Variants in ATP10A observed in about 807,000 individuals in gnomAD.
The protein encoded by ATP10A is phospholipid-transporting ATPase VA.
Under a neutral mutation model 147.8 loss-of-function variants are expected in ATP10A, and 111 were observed. That is an observed-to-expected ratio of 0.75 (90% confidence interval 0.64 to 0.88). The LOEUF is 0.88. Ranked by LOEUF, ATP10A falls within the 40% of genes least tolerant of loss-of-function variation. ATP10A has a pLI of 0.00. For synonymous variants in ATP10A, 875 were observed against 841.6 expected (o/e 1.04, Z -0.69); for missense variants, 1,927 against 1,959.0 (o/e 0.98, Z 0.31).
Position 25,797,201 on chromosome 15 carries a change from C to T in ATP10A, c.450-15978G>A, listed in dbSNP as rs182263905. On this transcript the variant is annotated intron_variant, in intron 1 of 20. Transcript: ENST00000555815. ...TCAACATTTTTAGGTTCCACGCGTA[C>T]GGGAGATCATGCAGTGTTTGTCTCT... Among the ~76,000 whole-genome samples, 41 of 152,260 alleles carry T rather than the reference C, an allele frequency of 2.7e-4. No individual in the cohort carries two copies. The East Asian group carries it at 6.9e-3, about 26-fold the overall frequency.
intron 2 of ATP10A, among the ~76,000 whole-genome samples, chr15:25,778,956 A>C (rs2140697125): frequency 6.6e-6 from 1 of 151,270 alleles, no homozygotes; most frequent in Middle Eastern, 3.4e-3. Context: ...GGCTCACTAC[A>C]ACCTCTGCCT....
chr15:25,832,218 C>T (rs924151421), intron 1 of ATP10A, among the ~76,000 whole-genome samples: 4 of 152,318 alleles, frequency 2.6e-5, no homozygotes, highest in East Asian at 1.9e-4. Flanking sequence ...CACAGGAGCA[C>T]GGCCCTGCCC....
chr15:25,704,447 T>A (rs572000214), intron 12 of ATP10A, among the ~76,000 whole-genome samples: 1 of 152,272 alleles, frequency 6.6e-6, no homozygotes, highest in East Asian at 1.9e-4. Flanking sequence ...AGTCCCTCAG[T>A]CAAATGTCTG....
At chr15:25,737,570 C>T (rs1029232812) in intron 2 of ATP10A, among the ~76,000 whole-genome samples, 1 of 152,094 alleles carries the variant, frequency 6.6e-6, no homozygotes, top group Non-Finnish European at 1.5e-5. Flanking sequence ...GTCCCAGGCA[C>T]GGGACGGCTG....
At chr15:25,746,845 CT>C (rs1267293500) in intron 2 of ATP10A, among the ~76,000 whole-genome samples, 2 of 152,094 alleles carry the variant, frequency 1.3e-5, no homozygotes, top group Non-Finnish European at 2.9e-5. Flanking sequence ...AGATCTAAAA[CT>C]TTTTGTGTGT....
At chr15:25,770,345 T>C (rs1285094064) in intron 2 of ATP10A, among the ~76,000 whole-genome samples, 1 of 152,160 alleles carries the variant, frequency 6.6e-6, no homozygotes, top group African/African-American at 2.4e-5. Flanking sequence ...CCTGAGGGGC[T>C]TCACGGCCAG....
At chr15:25,803,344 A>AGGTGCTAAGGATACAGTGG (rs1243327150) in intron 1 of ATP10A, among the ~76,000 whole-genome samples, 1 of 152,222 alleles carries the variant, frequency 6.6e-6, no homozygotes, top group Non-Finnish European at 1.5e-5. Context: ...AGCACACACC[A>AGGTGCTAAGGATACAGTGG]GGTGCTAAGG....
chr15:25,697,741 C>T (rs1225029962), intron 13 of ATP10A, among the ~76,000 whole-genome samples: 1 of 152,178 alleles, frequency 6.6e-6, no homozygotes, highest in East Asian at 1.9e-4. Flanking sequence ...GTGAGCTGTG[C>T]ACAGTGACTT....
chr15:25,778,568 TG>T (rs1159240191), intron 2 of ATP10A, among the ~76,000 whole-genome samples: 3 of 151,990 alleles, frequency 2.0e-5, no homozygotes, highest in African/African-American at 7.3e-5. Context: ...TAAAGAATTT[TG>T]GTGCTAATAA....
chr15:25,862,840 G>C lies in ATP10A; in HGVS notation c.257C>G (p.Pro86Arg), dbSNP rs773004840. The change falls in exon 1 of 21, where the codon CCG becomes CGG. Residue 86 changes from proline to arginine, a missense_variant. By Grantham distance (103) the Pro-to-Arg change is moderately radical. Coordinates refer to ENST00000555815, the MANE Select transcript of ATP10A (RefSeq NM_024490.4). ...GATGAAGACAAAGTACACGTTGGCC[G>C]GGCGGTGGAACTGCTCGAACAGGTT... is the stretch of plus-strand genomic sequence containing the variant. Reference protein sequence around the residue: ...PKNLFEQFHRPANVYFVFIAL... With the variant: ...PKNLFEQFHRRANVYFVFIAL... 1.2e-6 allele frequency: 2 copies of C among 1,609,868 alleles called. No individual in the cohort carries two copies. Among genetic ancestry groups the C allele is most frequent in the Non-Finnish European group, 1.7e-6 (2 of 1,178,186 alleles).
At position 25,788,139 on chromosome 15, in the gene ATP10A, C is replaced by T. The variant is rs570519980; in HGVS notation, c.450-6916G>A. ...CTGACAAGTTCCTTCTGCACAAAGC[C>T]GCCACACCCTTCCTCACAAAATCCC... On this transcript the variant is annotated intron_variant, in intron 1 of 20. Coordinates refer to ENST00000555815, the MANE Select transcript of ATP10A (RefSeq NM_024490.4). Among the ~76,000 whole-genome samples, 36 of 152,312 alleles carry T rather than the reference C, an allele frequency of 2.4e-4. No homozygotes were observed. The South Asian group carries it at 4.6e-3, about 19-fold the overall frequency.
chr15:25,847,609 C>CTTTTTTTTTTTTTTT lies in ATP10A; in HGVS notation c.449+15024_449+15038dup, dbSNP rs34212354. On this transcript the variant is annotated intron_variant, in intron 1 of 20. Transcript: ENST00000555815. Reference sequence around the variant, plus strand: ...CCTAGCTAATTCAAACAGCTACAGCCTTTTTTTTTTTTTTTTTTTTTTTTT... The same window carrying CTTTTTTTTTTTTTTT: ...CCTAGCTAATTCAAACAGCTACAGCCTTTTTTTTTTTTTTTTTTTTTTTTTTTTTTTTTTTTTTTT... Among the ~76,000 whole-genome samples the CTTTTTTTTTTTTTTT allele has an allele frequency of 7.4e-5, 3 of 40,738 alleles. 1 individual carries two copies. The highest frequency in any genetic ancestry group is 1.5e-4 in the Non-Finnish European group (3 of 19,914). The allele number at this position is 40,738 out of a possible 152,430, so 26.7% of individuals were successfully genotyped here.
chr15:25,851,877 G>A (rs11858535), intron 1 of ATP10A, among the ~76,000 whole-genome samples: 1,810 of 152,192 alleles, frequency 0.012, 25 homozygotes, highest in African/African-American at 0.028. Context: ...CAGCATGGGC[G>A]ACACTGCAAG....
chr15:25,770,212 T>C (rs1889262667), intron 2 of ATP10A, among the ~76,000 whole-genome samples: 1 of 149,692 alleles, frequency 6.7e-6, no homozygotes, highest in African/African-American at 2.5e-5. Flanking sequence ...CCGGGCGAGG[T>C]GGGGAGGGGC....
intron 1 of ATP10A, among the ~76,000 whole-genome samples, chr15:25,836,935 G>A (rs188762518): frequency 6.6e-6 from 1 of 152,140 alleles, no homozygotes; most frequent in East Asian, 1.9e-4. Flanking sequence ...CCTGCCATGG[G>A]GCTCTCTTTT....
At chr15:25,725,483 C>G (rs957510224) in intron 5 of ATP10A, among the ~76,000 whole-genome samples, 8 of 152,086 alleles carry the variant, frequency 5.3e-5, no homozygotes, top group Non-Finnish European at 7.3e-5. Flanking sequence ...TCTGTCATGC[C>G]CATTCACCCA....
chr15:25,833,867 GA>G (rs1892475007), intron 1 of ATP10A, among the ~76,000 whole-genome samples: 1 of 152,096 alleles, frequency 6.6e-6, no homozygotes, highest in Non-Finnish European at 1.5e-5. Context: ...AGCTACTTGG[GA>G]GGCTGAGGCA....
chr15:25,679,326 G>T lies in ATP10A; in HGVS notation c.*15C>A. Reference sequence around the variant, plus strand: ...CATTTATTTATATATATTAAAAAAGGCCATTTCAAGGTTTTCACTGTGACC... The same window carrying T: ...CATTTATTTATATATATTAAAAAAGTCCATTTCAAGGTTTTCACTGTGACC... On this transcript the variant is annotated 3_prime_UTR_variant, in exon 21 of 21. Coordinates refer to ENST00000555815, the MANE Select transcript of ATP10A (RefSeq NM_024490.4). 1 of 1,396,170 alleles carries T rather than the reference G, an allele frequency of 7.2e-7. No individual in the cohort carries two copies. The highest frequency in any genetic ancestry group is 9.4e-7 in the Non-Finnish European group (1 of 1,066,114). 86.5% of individuals were successfully genotyped at this position (1,396,170 alleles called of 1,614,324 possible).
chr15:25,764,855 C>T (rs774953180), intron 2 of ATP10A, among the ~76,000 whole-genome samples: 13 of 152,164 alleles, frequency 8.5e-5, no homozygotes, highest in Admixed American at 2.0e-4. Flanking sequence ...GCTAAAAGCT[C>T]CGGCCTGCTA....
Sources: allele counts gnomAD v4.1 joint callset (sites outside exome capture counted in the v4.1 genomes callset), GRCh38; gene constraint gnomAD v4.1.1; transcripts MANE v1.5; gene names NCBI Gene and HGNC (gene_info 2026-07-23, HGNC 2026-07-21).